RIC1: variants seen among roughly 807,000 people sequenced by gnomAD.
RIC1 encodes the protein guanine nucleotide exchange factor subunit RIC1.
In RIC1, 88 loss-of-function variants were observed where a neutral mutation model predicts 169.0. That is an observed-to-expected ratio of 0.52 (90% CI 0.44 to 0.62). The LOEUF (loss-of-function observed/expected upper bound fraction) is 0.62. Ranked by LOEUF, RIC1 falls within the 20% of genes least tolerant of loss-of-function variation. The pLI, the probability that RIC1 is intolerant of heterozygous loss-of-function variation, is 0.00. For synonymous variants in RIC1, 790 were observed against 601.5 expected (o/e 1.31, Z -4.59); for missense variants, 1,877 against 1,725.5 (o/e 1.09, Z -1.56).
chr9:5,693,874 T>A (rs1028893927), intron 3 of RIC1, among the ~76,000 whole-genome samples: 1 of 151,626 alleles, frequency 6.6e-6, no homozygotes, highest in Non-Finnish European at 1.5e-5. Context: ...CCCTCTTTTT[T>A]GTTAGAGACT....
At position 5,689,978 on chromosome 9, in the gene RIC1, T is replaced by G; in HGVS notation, c.272T>G (p.Leu91Trp). The stretch of plus-strand genomic sequence containing the variant: ...TTTCAGACGGCAAATGGATACATCT[T>G]GTTTTTTCATATTACATCTACAAGA... ...IAVSTANGYI[L>W]FFHITSTRGD... Residue 91 changes from leucine to tryptophan, a missense_variant, in exon 3 of 26, where the codon TTG becomes TGG. Physicochemically the swap from Leu to Trp is moderately conservative, Grantham distance 61. Around this residue, in one of 3 missense-constraint regions of RIC1, gnomAD observed 1,104 missense variants for 992.0 expected, o/e 1.11. Transcript: ENST00000414202. 6.2e-7 allele frequency: 1 copy of G among 1,603,410 alleles called. No individual in the cohort carries two copies. Among genetic ancestry groups the G allele is most frequent in the Non-Finnish European group, 8.5e-7 (1 of 1,175,412 alleles).
At chr9:5,777,031 G>A (rs1260314294), downstream of RIC1, among the ~76,000 whole-genome samples, 1 of 152,076 alleles carries the variant, frequency 6.6e-6, no homozygotes, top group Non-Finnish European at 1.5e-5. Context: ...ACCAAAGCAT[G>A]TTGTTATTTT....
chr9:5,709,385 T>A (rs1443867844), intron 3 of RIC1, among the ~76,000 whole-genome samples: 1 of 152,214 alleles, frequency 6.6e-6, no homozygotes, highest in African/African-American at 2.4e-5. Flanking sequence ...TTCAGTTGCT[T>A]AGAGCCTTAA....
At chr9:5,679,852 C>T (rs1312746553) in intron 2 of RIC1, among the ~76,000 whole-genome samples, 1 of 152,118 alleles carries the variant, frequency 6.6e-6, no homozygotes, top group Non-Finnish European at 1.5e-5. Context: ...TGCCTGATTG[C>T]CCTGGCCAGA....
At position 5,762,606 on chromosome 9, in the gene RIC1, G is replaced by T; in HGVS notation, c.2058G>T (p.Arg686Ser). The change falls in exon 18 of 26, where the codon AGG becomes AGT. Residue 686 changes from arginine (R) to serine (S), a missense_variant. Coordinates refer to ENST00000414202, the MANE Select transcript of RIC1 (RefSeq NM_020829.4). ...AGCTCATCATGATGCAGAGGGACAG[G>T]TCAGGCCCACAGATCCGGGAGAAGG... ...AGQLIMMQRD[R>S]SGPQIREKDS... The T allele has an allele frequency of 1.2e-6, 2 of 1,614,054 alleles. No individual in the cohort carries two copies. Among genetic ancestry groups the T allele is most frequent in the Non-Finnish European group, 1.7e-6 (2 of 1,179,948 alleles).
At chr9:5,761,048 C>G (rs1403989495) in intron 17 of RIC1, among the ~76,000 whole-genome samples, 1 of 151,502 alleles carries the variant, frequency 6.6e-6, no homozygotes, top group South Asian at 2.1e-4. Flanking sequence ...CTCTTTTTAC[C>G]CTGGCTAGTG....
At chr9:5,680,600 T>C (rs1051924344) in intron 2 of RIC1, among the ~76,000 whole-genome samples, 4 of 152,186 alleles carry the variant, frequency 2.6e-5, no homozygotes, top group African/African-American at 9.7e-5. Flanking sequence ...TCCAGGAACT[T>C]ATCCATTTCT....
At chr9:5,744,582 C>T (rs895715871) in intron 10 of RIC1, among the ~76,000 whole-genome samples, 1 of 152,138 alleles carries the variant, frequency 6.6e-6, no homozygotes, top group African/African-American at 2.4e-5. Flanking sequence ...TTATATATAC[C>T]TTATGCACAT....
chr9:5,652,273 T>C (rs544025407), intron 1 of RIC1, among the ~76,000 whole-genome samples: 3 of 152,330 alleles, frequency 2.0e-5, no homozygotes, highest in African/African-American at 4.8e-5. Flanking sequence ...TGGTAGGGAT[T>C]ACATTGGATC....
chr9:5,720,114 A>C (rs560543047), intron 4 of RIC1, 68 bp from the exon 5 acceptor site: 29 of 1,236,936 alleles, frequency 2.3e-5, no homozygotes, highest in Non-Finnish European at 3.3e-5. Context: ...TCTCTAAAGC[A>C]GTTTTAATAT....
At chr9:5,753,278 G>C (rs1427659654) in intron 13 of RIC1, 40 bp downstream of exon 13, 1 of 1,582,716 alleles carries the variant, frequency 6.3e-7, no homozygotes, top group Non-Finnish European at 8.7e-7. Context: ...TTGTTGACTA[G>C]CATTTGCTGC....
chr9:5,638,696 C>T (rs1355532134), intron 1 of RIC1, among the ~76,000 whole-genome samples: 1 of 152,010 alleles, frequency 6.6e-6, no homozygotes. Flanking sequence ...CCTTTCTTAT[C>T]TCTGATTTTA....
chr9:5,692,034 G>C (rs891949188), intron 3 of RIC1, among the ~76,000 whole-genome samples: 3 of 152,020 alleles, frequency 2.0e-5, no homozygotes, highest in African/African-American at 7.2e-5. Flanking sequence ...CGTGAACTTT[G>C]CTGTGTTTGA....
intron 19 of RIC1, among the ~76,000 whole-genome samples, chr9:5,764,543 T>A (rs1826566293): frequency 6.6e-6 from 1 of 152,232 alleles, no homozygotes; most frequent in Non-Finnish European, 1.5e-5. Context: ...CAAAGTTGTT[T>A]CCATTGATGT....
In RIC1 at chr9:5,629,244, G is replaced by A; in HGVS notation, c.-66G>A. ...CGGCCGGTGGCGGTGTGGGAGGTGG[G>A]CGACCAGCCCGGGGCCGCTGAGTGT... On this transcript the variant is annotated 5_prime_UTR_variant, in exon 1 of 26. Coordinates refer to ENST00000414202, the MANE Select transcript of RIC1 (RefSeq NM_020829.4). The A allele has an allele frequency of 1.5e-6, 2 of 1,302,884 alleles. No homozygotes were observed. The highest frequency in any genetic ancestry group is 2.1e-5 in the South Asian group (1 of 47,666). The allele number at this position is 1,302,884 out of a possible 1,614,324, so 80.7% of individuals were successfully genotyped here. A position where few individuals can be genotyped will look rare whatever the true frequency, so the allele number is the denominator to read the frequency against.
At chr9:5,638,104 C>G (rs549833005) in intron 1 of RIC1, among the ~76,000 whole-genome samples, 6 of 152,208 alleles carry the variant, frequency 3.9e-5, no homozygotes, top group Admixed American at 2.0e-4. Context: ...TTGAAATGAT[C>G]ATATAGTTTT....
chr9:5,723,845 G>A (rs1222850075), intron 6 of RIC1, among the ~76,000 whole-genome samples: 1 of 152,110 alleles, frequency 6.6e-6, no homozygotes, highest in African/African-American at 2.4e-5. Flanking sequence ...TTTTTGTCAG[G>A]TTTGTCAAAG....
Position 5,738,543 on chromosome 9 carries a change from GTCTT to G in RIC1, c.901+7_901+10del. On this transcript the variant is annotated splice_donor_region_variant and intron_variant, in intron 8 of 25. Transcript: ENST00000414202. ...TAACAGCAAAACAGTATCCTGGTGA[GTCTT>G]TTTTTTTTTTTTTTTTTTTAACATT... 1.1e-6 allele frequency: 1 copy of G among 893,624 alleles called. No homozygotes were observed. The highest frequency in any genetic ancestry group is 2.0e-5 in the African/African-American group (1 of 50,772). The allele number at this position is 893,624 out of a possible 1,614,324, so 55.4% of individuals were successfully genotyped here. A position where few individuals can be genotyped will look rare whatever the true frequency, so the allele number is the denominator to read the frequency against.
chr9:5,704,078 A>G (rs1822407140), intron 3 of RIC1, among the ~76,000 whole-genome samples: 1 of 151,948 alleles, frequency 6.6e-6, no homozygotes, highest in Non-Finnish European at 1.5e-5. Flanking sequence ...ATCCCAATGA[A>G]TGTGAAATAG....
Sources: allele counts gnomAD v4.1 joint callset (sites outside exome capture counted in the v4.1 genomes callset), GRCh38; gene constraint gnomAD v4.1.1; regional missense constraint gnomAD v4.1.1; transcripts MANE v1.5; gene names NCBI Gene and HGNC (gene_info 2026-07-23, HGNC 2026-07-21).